Variants in DGKI observed in about 807,000 individuals in gnomAD.
The protein encoded by DGKI is diacylglycerol kinase iota, also known as DAG kinase iota.
Under a neutral mutation model 147.5 loss-of-function variants are expected in DGKI, and 55 were observed. The observed-to-expected ratio is 0.37, with a 90% CI of 0.30 to 0.47. The LOEUF is 0.47. Among genes scored for constraint, DGKI ranks in the 20% least tolerant of loss-of-function variants. The pLI, the probability that DGKI is intolerant of heterozygous loss-of-function variation, is 1.00. For missense variants in DGKI, 1,007 were observed against 1,323.8 expected (o/e 0.76, Z 3.71); for synonymous variants, 469 against 477.1 (o/e 0.98, Z 0.22).
At chr7:137,660,666 C>A (rs558848565) in intron 3 of DGKI, among the ~76,000 whole-genome samples, 21 of 152,264 alleles carry the variant, frequency 1.4e-4, no homozygotes, top group African/African-American at 4.8e-4. Flanking sequence ...TTGCCTAAGT[C>A]CCTGATCTAT....
chr7:137,489,864 T>C (rs1013482644), intron 21 of DGKI, among the ~76,000 whole-genome samples: 1 of 152,172 alleles, frequency 6.6e-6, no homozygotes, highest in Non-Finnish European at 1.5e-5. Flanking sequence ...CTATTATCAG[T>C]GTTTGGAGTT....
chr7:137,840,771 G>A lies in DGKI; in HGVS notation c.401+5691C>T, dbSNP rs143315622. Among the ~76,000 whole-genome samples the A allele has an allele frequency of 1.1e-4, 16 of 152,310 alleles. No individual in the cohort carries two copies. The East Asian group carries it at 3.1e-3, about 29-fold the overall frequency. On this transcript the variant is annotated intron_variant, in intron 1 of 32. Transcript: ENST00000614521. ...TGAGATGAACCAAGAATGAATAACA[G>A]TAGTAATTTATTTTAAAATGCCAAT...
rs529501494 is a variant in DGKI at position 137,383,944 on chromosome 7, C to T, written c.*7276G>A. The T allele has an allele frequency of 6.6e-6, 1 of 152,112 alleles. No individual in the cohort carries two copies. Among genetic ancestry groups the T allele is most frequent in the South Asian group, 2.1e-4 (1 of 4,808 alleles). The allele number at this position is 152,112 out of a possible 1,614,324, so 9.4% of individuals were successfully genotyped here. A position where few individuals can be genotyped will look rare whatever the true frequency, so the allele number is the denominator to read the frequency against. On this transcript the variant is annotated 3_prime_UTR_variant, in exon 33 of 33. Coordinates refer to ENST00000614521, the MANE Select transcript of DGKI (RefSeq NM_001321708.2). The stretch of plus-strand genomic sequence containing the variant: ...AAGTATGAGATTCTGAACTGAAGGA[C>T]ATTTCAAGCCTGTTTGTTTTTCTCT...
At chr7:137,516,639 T>C (rs1816754834) in intron 21 of DGKI, among the ~76,000 whole-genome samples, 1 of 151,876 alleles carries the variant, frequency 6.6e-6, no homozygotes, top group Non-Finnish European at 1.5e-5. Context: ...AAGGACTCAA[T>C]AAAGGTACAC....
At chr7:137,743,869 GCT>G (rs1215494197) in intron 1 of DGKI, among the ~76,000 whole-genome samples, 6 of 151,924 alleles carry the variant, frequency 3.9e-5, no homozygotes, top group Non-Finnish European at 5.9e-5. Flanking sequence ...TGTAGTCCCA[GCT>G]ACTCGGGAGG....
intron 28 of DGKI, among the ~76,000 whole-genome samples, chr7:137,417,663 T>C (rs940333182): frequency 6.6e-6 from 1 of 152,178 alleles, no homozygotes; most frequent in Non-Finnish European, 1.5e-5. Flanking sequence ...AAATTCATGT[T>C]GAAACTTAAT....
chr7:137,664,500 TCA>T (rs1269005838), intron 3 of DGKI, among the ~76,000 whole-genome samples: 1 of 151,302 alleles, frequency 6.6e-6, no homozygotes, highest in Non-Finnish European at 1.5e-5. Flanking sequence ...TGAGCACAAA[TCA>T]GATATCTTCT....
chr7:137,401,854 C>T (rs576278745), intron 30 of DGKI, among the ~76,000 whole-genome samples: 21 of 152,310 alleles, frequency 1.4e-4, no homozygotes, highest in Admixed American at 5.2e-4. Context: ...CAGATGAAAA[C>T]GGCCTCTGCT....
rs772094364 is a variant in DGKI, at chr7:137,585,343, A to G, written c.1429T>C (p.Tyr477His). The G allele has an allele frequency of 6.2e-7, 1 of 1,613,930 alleles. No individual in the cohort carries two copies. Residue 477 changes from tyrosine to histidine, a missense_variant, in exon 14 of 33, where the codon TAC becomes CAC. Transcript: ENST00000614521. ...LARTLNWGGGYTDEPVSKILC... is the reference protein window; with the variant it reads ...LARTLNWGGGHTDEPVSKILC... ...ATCTTAGAAACAGGTTCATCAGTGT[A>G]GCCCTGAGGAATCAGAGAACATATC... is the stretch of plus-strand genomic sequence containing the variant.
intron 23 of DGKI, among the ~76,000 whole-genome samples, chr7:137,482,176 A>G (rs532697471): frequency 6.6e-6 from 1 of 152,134 alleles, no homozygotes; most frequent in Admixed American, 6.6e-5. Context: ...ACGGAAATCA[A>G]TCCATATCTT....
At chr7:137,507,455 C>G (rs1310310781) in intron 21 of DGKI, among the ~76,000 whole-genome samples, 1 of 152,088 alleles carries the variant, frequency 6.6e-6, no homozygotes, top group Non-Finnish European at 1.5e-5. Flanking sequence ...TAGTATACTA[C>G]CTAAGTGGGC....
At chr7:137,510,567 A>G (rs964853236) in intron 21 of DGKI, among the ~76,000 whole-genome samples, 2 of 152,254 alleles carry the variant, frequency 1.3e-5, no homozygotes, top group African/African-American at 4.8e-5. Context: ...ATGAAATATT[A>G]CATGTCTGAA....
At chr7:137,796,707 T>C (rs1743181580) in intron 1 of DGKI, among the ~76,000 whole-genome samples, 1 of 152,028 alleles carries the variant, frequency 6.6e-6, no homozygotes, top group African/African-American at 2.4e-5. Flanking sequence ...AGCACAACTA[T>C]GCGGACAGAA....
intron 20 of DGKI, among the ~76,000 whole-genome samples, chr7:137,530,865 C>T (rs1309703699): frequency 1.3e-5 from 2 of 152,096 alleles, no homozygotes; most frequent in Non-Finnish European, 2.9e-5. Flanking sequence ...CTTCAGGTAT[C>T]GAGTTGAGCC....
chr7:137,599,407 A>C (rs1563105145), intron 11 of DGKI, among the ~76,000 whole-genome samples: 1 of 152,016 alleles, frequency 6.6e-6, no homozygotes, highest in Non-Finnish European at 1.5e-5. Flanking sequence ...ACACACACAC[A>C]CACTCTCTCT....
intron 21 of DGKI, among the ~76,000 whole-genome samples, chr7:137,505,934 A>G (rs1431115877): frequency 6.6e-6 from 1 of 151,060 alleles, no homozygotes. Context: ...TAGAATGGCT[A>G]AAATTAAAAA....
intron 3 of DGKI, among the ~76,000 whole-genome samples, chr7:137,672,844 G>A (rs1563143508): frequency 7.5e-6 from 1 of 134,072 alleles, no homozygotes. Context: ...GCAATGGCAC[G>A]ATCTCGGCTT....
Position 137,638,623 on chromosome 7 carries a change from T to TAC in DGKI, c.804+6848_804+6849insGT, listed in dbSNP as rs1320453535. On this transcript the variant is annotated intron_variant, in intron 6 of 32. Coordinates refer to ENST00000614521, the MANE Select transcript of DGKI (RefSeq NM_001321708.2). ...ATATGTATATATATACACACACACA[T>TAC]ATATATGTGTGTATATATGTGTATG... Among the ~76,000 whole-genome samples, 9 of 2,750 alleles carry TAC rather than the reference T, an allele frequency of 3.3e-3. 2 individuals are homozygous for TAC. Among genetic ancestry groups the TAC allele is most frequent in the Admixed American group, 0.019 (3 of 160 alleles). 1.8% of individuals were successfully genotyped at this position (2,750 alleles called of 152,430 possible). A position where few individuals can be genotyped will look rare whatever the true frequency, so the allele number is the denominator to read the frequency against.
chr7:137,754,206 C>T (rs769703904), intron 1 of DGKI, among the ~76,000 whole-genome samples: 10 of 152,120 alleles, frequency 6.6e-5, no homozygotes, highest in Non-Finnish European at 1.2e-4. Context: ...TTTCATCCCC[C>T]GGTGGCTGCT....
Sources: gnomAD v4.1 joint callset for allele counts (sites outside exome capture counted in the v4.1 genomes callset) on GRCh38, gnomAD v4.1.1 for gene constraint, MANE v1.5 for transcripts, NCBI Gene and HGNC (gene_info 2026-07-23, HGNC 2026-07-21) for gene names.